Variants in BTBD9 observed in about 807,000 individuals in gnomAD.
BTBD9 encodes BTB domain containing 9.
A neutral mutation model predicts 64.3 loss-of-function variants in BTBD9; 49 were observed. The ratio of observed to expected loss-of-function variants is 0.76; its 90% CI spans 0.61 to 0.97. BTBD9 has a LOEUF of 0.97. Ranked by LOEUF, BTBD9 falls within the 50% of genes least tolerant of loss-of-function variation. The probability of loss-of-function intolerance (pLI) is 0.00; values close to 1 mark genes in which losing one functional copy is unlikely to be tolerated. For missense variants in BTBD9, 598 were observed against 762.1 expected (o/e 0.78, Z 2.53); for synonymous variants, 260 against 274.7 (o/e 0.95, Z 0.53).
At chr6:38,607,413 A>G (rs1236568524) in intron 1 of BTBD9, among the ~76,000 whole-genome samples, 1 of 152,208 alleles carries the variant, frequency 6.6e-6, no homozygotes, top group Non-Finnish European at 1.5e-5. Context: ...CAATGTTGCT[A>G]CACGTTGGAT....
chr6:38,361,604 G>A (rs1475842774), intron 6 of BTBD9, among the ~76,000 whole-genome samples: 1 of 152,152 alleles, frequency 6.6e-6, no homozygotes, highest in Non-Finnish European at 1.5e-5. Context: ...ACTTTGGGAG[G>A]CTGAGGCAGG....
intron 6 of BTBD9, among the ~76,000 whole-genome samples, chr6:38,410,481 C>CA (rs1767373273): frequency 1.3e-5 from 2 of 151,430 alleles, no homozygotes; most frequent in African/African-American, 4.9e-5. Context: ...TCAAAACAAA[C>CA]AAACAAAAAA....
At chr6:38,453,158 C>T (rs767665786) in intron 6 of BTBD9, among the ~76,000 whole-genome samples, 6 of 152,076 alleles carry the variant, frequency 3.9e-5, no homozygotes, top group Non-Finnish European at 7.4e-5. Context: ...TTTATACCAG[C>T]AGGGCTTCAT....
chr6:38,554,848 T>C (rs1045979980), intron 6 of BTBD9, among the ~76,000 whole-genome samples: 2 of 152,248 alleles, frequency 1.3e-5, no homozygotes, highest in African/African-American at 2.4e-5. Flanking sequence ...ACTCTTGCTG[T>C]TGCAGCGGAG....
At chr6:38,572,835 GT>G (rs1384289353) in intron 6 of BTBD9, among the ~76,000 whole-genome samples, 2 of 150,276 alleles carry the variant, frequency 1.3e-5, no homozygotes, top group Non-Finnish European at 3.0e-5. Flanking sequence ...TAATATTAGA[GT>G]GAGGAATAAT....
chr6:38,316,218 T>C (rs1763024179), intron 7 of BTBD9, among the ~76,000 whole-genome samples: 1 of 152,206 alleles, frequency 6.6e-6, no homozygotes, highest in Non-Finnish European at 1.5e-5. Flanking sequence ...AAGTGTGTTA[T>C]GTGTAGACAA....
At chr6:38,330,098 A>AG (rs1181181893) in intron 7 of BTBD9, among the ~76,000 whole-genome samples, 2 of 150,494 alleles carry the variant, frequency 1.3e-5, no homozygotes, top group Non-Finnish European at 3.0e-5. Flanking sequence ...TCTGTCACCC[A>AG]GGCTGGAGTG....
At chr6:38,434,550 C>A (rs10807195) in intron 6 of BTBD9, among the ~76,000 whole-genome samples, 44,273 of 151,648 alleles carry the variant, frequency 0.29, 6,933 homozygotes, top group African/African-American at 0.34. Flanking sequence ...GTATAAAAAA[C>A]CAAACTGCAC....
intron 9 of BTBD9, among the ~76,000 whole-genome samples, chr6:38,228,896 A>C (rs1763504410): frequency 1.5e-5 from 2 of 136,012 alleles, no homozygotes; most frequent in East Asian, 2.3e-4. Flanking sequence ...AAAAACAAAA[A>C]CAAAACAAAA....
chr6:38,619,453 A>G (rs1213679429), intron 1 of BTBD9, among the ~76,000 whole-genome samples: 1 of 152,206 alleles, frequency 6.6e-6, no homozygotes, highest in African/African-American at 2.4e-5. Context: ...GTGGTTTGCA[A>G]GGACAGTTTA....
intron 7 of BTBD9, among the ~76,000 whole-genome samples, chr6:38,298,024 A>AT (rs1561989614): frequency 6.6e-6 from 1 of 151,112 alleles, no homozygotes; most frequent in African/African-American, 2.4e-5. Flanking sequence ...TATTTTATAT[A>AT]TTTTTTATTT....
At chr6:38,412,750 T>A (rs1767487561) in intron 6 of BTBD9, among the ~76,000 whole-genome samples, 2 of 151,938 alleles carry the variant, frequency 1.3e-5, no homozygotes, top group African/African-American at 2.4e-5. Context: ...TCCAAGCTAT[T>A]CAGGAGGCTG....
intron 7 of BTBD9, among the ~76,000 whole-genome samples, chr6:38,294,261 G>A (rs1263305096): frequency 9.2e-5 from 14 of 152,128 alleles, no homozygotes; most frequent in African/African-American, 3.1e-4. Flanking sequence ...TCAATGTGGC[G>A]ATTCCTCAAG....
chr6:38,274,526 T>C (rs1296907361), intron 8 of BTBD9, among the ~76,000 whole-genome samples: 1 of 152,216 alleles, frequency 6.6e-6, no homozygotes, highest in Admixed American at 6.5e-5. Flanking sequence ...TTGTCATAGA[T>C]AGCTCTTATT....
chr6:38,477,708 T>G (rs1405364592), intron 6 of BTBD9, among the ~76,000 whole-genome samples: 1 of 152,234 alleles, frequency 6.6e-6, no homozygotes, highest in Non-Finnish European at 1.5e-5. Context: ...CAATGCTGAT[T>G]ATAGTTAAGA....
chr6:38,338,114 T>G (rs1198343950), intron 7 of BTBD9, among the ~76,000 whole-genome samples: 1 of 152,162 alleles, frequency 6.6e-6, no homozygotes, highest in African/African-American at 2.4e-5. Context: ...TCCCCCCTTA[T>G]CTGCAGGGGA....
At chr6:38,457,717 G>A (rs1769882813) in intron 6 of BTBD9, among the ~76,000 whole-genome samples, 1 of 152,026 alleles carries the variant, frequency 6.6e-6, no homozygotes, top group Non-Finnish European at 1.5e-5. Context: ...TGAGAGCTAG[G>A]AGCATATACA....
At chr6:38,372,253 A>C (rs145043907) in intron 6 of BTBD9, among the ~76,000 whole-genome samples, 175 of 152,340 alleles carry the variant, frequency 1.1e-3, no homozygotes, top group African/African-American at 3.8e-3. Context: ...CAATTCCTGG[A>C]AGATAATATC....
At chr6:38,617,163 C>T (rs935523148) in intron 1 of BTBD9, among the ~76,000 whole-genome samples, 1 of 152,128 alleles carries the variant, frequency 6.6e-6, no homozygotes, top group African/African-American at 2.4e-5. Context: ...TCTTCGGAGT[C>T]GGGAGCGTTG....
Sources: gnomAD v4.1 joint callset for allele counts (sites outside exome capture counted in the v4.1 genomes callset) on GRCh38, gnomAD v4.1.1 for gene constraint, MANE v1.5 for transcripts, NCBI Gene and HGNC (gene_info 2026-07-23, HGNC 2026-07-21) for gene names.